MYO3A: variants seen among roughly 807,000 people sequenced by gnomAD.
MYO3A encodes the protein myosin IIIA.
A neutral mutation model predicts 192.7 loss-of-function variants in MYO3A; 180 were observed. The ratio of observed to expected loss-of-function variants is 0.93; its 90% CI spans 0.83 to 1.06. MYO3A has a LOEUF of 1.06. Ranked by LOEUF, MYO3A falls within the 50% of genes least tolerant of loss-of-function variation. MYO3A has a pLI of 0.00. For missense variants in MYO3A, 1,896 were observed against 1,905.0 expected (o/e 1.00, Z 0.09); for synonymous variants, 628 against 645.3 (o/e 0.97, Z 0.41).
chr10:26,041,155 CTCT>C (rs1194192112), intron 10 of MYO3A, among the ~76,000 whole-genome samples: 1 of 151,888 alleles, frequency 6.6e-6, no homozygotes, highest in East Asian at 1.9e-4. Flanking sequence ...CCTTTTTTGT[CTCT>C]TCTTATAGTT....
At chr10:26,067,171 T>G in intron 11 of MYO3A, 97 bp downstream of exon 11, 3 of 786,516 alleles carry the variant, frequency 3.8e-6, no homozygotes, top group Non-Finnish European at 6.6e-6. Context: ...ATATATAGAT[T>G]ATGATGGTTA....
At chr10:26,039,330 G>C (rs1419844479) in intron 10 of MYO3A, among the ~76,000 whole-genome samples, 2 of 151,558 alleles carry the variant, frequency 1.3e-5, no homozygotes, top group African/African-American at 2.4e-5. Flanking sequence ...AAAGTGCTGG[G>C]ATTACAAAAT....
chr10:26,204,807 T>C (rs1843835432), intron 34 of MYO3A, among the ~76,000 whole-genome samples: 1 of 152,230 alleles, frequency 6.6e-6, no homozygotes, highest in South Asian at 2.1e-4. Context: ...AAGAGCTTGA[T>C]GCTGAAGGAA....
intron 14 of MYO3A, among the ~76,000 whole-genome samples, chr10:26,081,133 T>TCCCCCCCCCTTCCCC (rs1835907338): frequency 2.5e-4 from 21 of 84,982 alleles, no homozygotes; most frequent in African/African-American, 7.6e-4. Flanking sequence ...TATATGCCCT[T>TCCCCCCCCCTTCCCC]CCCCCCCCCC....
chr10:25,945,508 A>G (rs1237529208), intron 2 of MYO3A, among the ~76,000 whole-genome samples: 2 of 151,936 alleles, frequency 1.3e-5, no homozygotes, highest in Non-Finnish European at 2.9e-5. Flanking sequence ...TAGTTCTGTC[A>G]GTGTTTGTTC....
intron 32 of MYO3A, among the ~76,000 whole-genome samples, chr10:26,195,773 G>A (rs1843378277): frequency 6.6e-6 from 1 of 152,092 alleles, no homozygotes; most frequent in Non-Finnish European, 1.5e-5. Flanking sequence ...TTTTTCTTCA[G>A]GAAACCTTCT....
intron 6 of MYO3A, among the ~76,000 whole-genome samples, chr10:26,002,251 A>G (rs180851831): frequency 4.9e-4 from 75 of 152,338 alleles, no homozygotes; most frequent in African/African-American, 1.8e-3. Flanking sequence ...TCTCCTCTGC[A>G]CTGTTATATA....
chr10:26,075,886 C>A (rs1197120876), intron 14 of MYO3A, among the ~76,000 whole-genome samples: 1 of 150,258 alleles, frequency 6.7e-6, no homozygotes, highest in East Asian at 1.9e-4. Context: ...GTTTCTTTAT[C>A]CACTCATTGA....
chr10:26,192,016 T>A (rs1183087377), intron 31 of MYO3A, among the ~76,000 whole-genome samples: 1 of 152,146 alleles, frequency 6.6e-6, no homozygotes, highest in Admixed American at 6.5e-5. Flanking sequence ...AACTCACACT[T>A]GTATCCTGAT....
At chr10:26,029,950 C>T (rs886680257) in intron 10 of MYO3A, among the ~76,000 whole-genome samples, 10 of 151,846 alleles carry the variant, frequency 6.6e-5, no homozygotes, top group Non-Finnish European at 1.0e-4. Flanking sequence ...TCAAGATTCC[C>T]CAGGGCCCAT....
intron 4 of MYO3A, among the ~76,000 whole-genome samples, chr10:25,992,772 G>C (rs905709002): frequency 6.6e-6 from 1 of 152,118 alleles, no homozygotes; most frequent in Non-Finnish European, 1.5e-5. Context: ...TAATCATGTG[G>C]TTTTTATCTT....
intron 21 of MYO3A, among the ~76,000 whole-genome samples, chr10:26,145,179 CAAAAAA>C (rs10715590): frequency 5.3e-5 from 5 of 94,408 alleles, no homozygotes; most frequent in Non-Finnish European, 8.9e-5. Context: ...AACTCTGTCT[CAAAAAA>C]AAAAAAAAAA....
At chr10:26,122,846 A>C (rs948014705) in intron 18 of MYO3A, among the ~76,000 whole-genome samples, 1 of 152,222 alleles carries the variant, frequency 6.6e-6, no homozygotes, top group Non-Finnish European at 1.5e-5. Flanking sequence ...ATTTATCCCC[A>C]GGTAAAATGC....
intron 14 of MYO3A, among the ~76,000 whole-genome samples, chr10:26,079,775 T>A (rs1320214597): frequency 6.6e-6 from 1 of 152,186 alleles, no homozygotes; most frequent in South Asian, 2.1e-4. Flanking sequence ...CCTTCATATA[T>A]GATGCTTAGT....
At chr10:26,177,696 C>A (rs541435168) in intron 31 of MYO3A, among the ~76,000 whole-genome samples, 1 of 152,338 alleles carries the variant, frequency 6.6e-6, no homozygotes, top group East Asian at 1.9e-4. Flanking sequence ...CCCTTGCTTT[C>A]TTGGAGGCCC....
intron 15 of MYO3A, among the ~76,000 whole-genome samples, chr10:26,091,430 C>A (rs1034961935): frequency 1.3e-5 from 2 of 152,000 alleles, no homozygotes; most frequent in Non-Finnish European, 2.9e-5. Flanking sequence ...TAAGATGAAC[C>A]TATTGAAGGC....
chr10:26,152,353 C>T (rs1458295732), intron 23 of MYO3A, among the ~76,000 whole-genome samples: 3 of 152,194 alleles, frequency 2.0e-5, no homozygotes, highest in Non-Finnish European at 4.4e-5. Context: ...TACTTTTTTA[C>T]AAATAAGACA....
intron 14 of MYO3A, among the ~76,000 whole-genome samples, chr10:26,075,074 T>A (rs932092943): frequency 4.6e-5 from 7 of 152,088 alleles, no homozygotes; most frequent in Non-Finnish European, 1.0e-4. Flanking sequence ...ATTTGAGGGC[T>A]TTCATTTCTA....
intron 10 of MYO3A, among the ~76,000 whole-genome samples, chr10:26,039,207 A>ATTTTTTTTTTT (rs34416918): frequency 9.9e-3 from 1,055 of 106,852 alleles, no homozygotes; most frequent in East Asian, 0.016. Context: ...GGCTCGGCTA[A>ATTTTTTTTTTT]TTTTTTTTTT....
Sources: gnomAD v4.1 joint callset for allele counts (sites outside exome capture counted in the v4.1 genomes callset) on GRCh38, gnomAD v4.1.1 for gene constraint, MANE v1.5 for transcripts, NCBI Gene and HGNC (gene_info 2026-07-23, HGNC 2026-07-21) for gene names.